FBXO22: variants seen among roughly 807,000 people sequenced by gnomAD.
The protein encoded by FBXO22 is F-box protein 22, also known as F-box only protein 22.
In FBXO22, 13 loss-of-function variants were observed where a neutral mutation model predicts 37.2. The ratio of observed to expected loss-of-function variants is 0.35; its 90% CI spans 0.23 to 0.56. FBXO22 has a LOEUF of 0.56. Among genes scored for constraint, FBXO22 ranks in the 20% least tolerant of loss-of-function variants. The pLI is 0.87. For synonymous variants in FBXO22, 189 were observed against 189.1 expected, an observed-to-expected ratio of 1.00 and a Z score of 0.00; for missense variants, 446 against 509.9, an observed-to-expected ratio of 0.87 and a Z score of 1.21.
At chr15:75,923,791 G>A (rs1900380445) in intron 5 of FBXO22, among the ~76,000 whole-genome samples, 1 of 152,120 alleles carries the variant, frequency 6.6e-6, no homozygotes, top group African/African-American at 2.4e-5. Flanking sequence ...ATATGCAGGA[G>A]ACACAGACTG....
At position 75,935,292 on chromosome 15, in the gene FBXO22, A is replaced by G. The variant is rs2030239025; in HGVS notation, c.*2190A>G. 1 of 152,222 alleles carries G rather than the reference A, an allele frequency of 6.6e-6. No individual in the cohort carries two copies. The highest frequency in any genetic ancestry group is 2.1e-4 in the South Asian group (1 of 4,828). The allele number at this position is 152,222 out of a possible 1,614,324, so 9.4% of individuals were successfully genotyped here. The stretch of plus-strand genomic sequence containing the variant: ...AACTAAATTCCTAGAGATGACAATC[A>G]TTGTAGTCCTCTGTGAAACTGAAAA... On this transcript the variant is annotated 3_prime_UTR_variant, in exon 7 of 7. Transcript: ENST00000308275.
At chr15:75,920,307 T>A (rs1036225096) in intron 5 of FBXO22, among the ~76,000 whole-genome samples, 4 of 152,208 alleles carry the variant, frequency 2.6e-5, no homozygotes, top group African/African-American at 9.6e-5. Flanking sequence ...TCAGACATGT[T>A]GGTTTGAGAA....
chr15:75,930,625 T>C, intron 6 of FBXO22: 1 of 985,532 alleles, frequency 1.0e-6, no homozygotes, highest in Non-Finnish European at 1.2e-6. Context: ...ACTAAGGCTT[T>C]TGCTTTCAAA....
chr15:75,938,724 A>G lies in FBXO22; in HGVS notation c.*5622A>G, dbSNP rs1014875216. ...CACTGAAAGCAGAAACAACAAATCA[A>G]GCCTACATAGTTTTAAAAGATACAT... On this transcript the variant is annotated 3_prime_UTR_variant, in exon 7 of 7. Coordinates refer to ENST00000308275, the MANE Select transcript of FBXO22 (RefSeq NM_147188.3). 1.3e-5 allele frequency: 2 copies of G among 152,216 alleles called. No individual in the cohort carries two copies. Among genetic ancestry groups the G allele is most frequent in the African/African-American group, 4.8e-5 (2 of 41,456 alleles). 9.4% of individuals were successfully genotyped at this position (152,216 alleles called of 1,614,324 possible). A position where few individuals can be genotyped will look rare whatever the true frequency, so the allele number is the denominator to read the frequency against.
At chr15:75,904,187 C>T (rs1899865406) in intron 1 of FBXO22, 84 bp downstream of exon 1, 22 of 1,445,050 alleles carry the variant, frequency 1.5e-5, no homozygotes, top group Non-Finnish European at 2.0e-5. Context: ...GGGGAGAGAC[C>T]CTTGGGACCC....
In FBXO22 at chr15:75,913,209, C is replaced by A. The variant is rs758516099; in HGVS notation, c.286C>A (p.Arg96Ser). 1 of 1,601,166 alleles carries A rather than the reference C, an allele frequency of 6.2e-7. No individual in the cohort carries two copies. The highest frequency in any genetic ancestry group is 2.2e-5 in the East Asian group (1 of 44,700). Residue 96 changes from arginine to serine, a missense_variant, in exon 3 of 7, where the codon CGC becomes AGC. Physicochemically the swap from Arg to Ser is moderately radical, Grantham distance 110. Coordinates refer to ENST00000308275, the MANE Select transcript of FBXO22 (RefSeq NM_147188.3). ...RVVAEELENV[R>S]ILPHTVLYMA... The stretch of plus-strand genomic sequence containing the variant: ...TTTTTTTTTTTCTTTGCAGAATGTT[C>A]GCATCTTACCACATACAGTTCTTTA...
rs2030446962 is a variant in FBXO22 at position 75,937,325 on chromosome 15, C to T, written c.*4223C>T. ...GAGATCGAGACCATCCTGGCTAACA[C>T]AGTGAAACCCCATCTCTACTGAAAG... On this transcript the variant is annotated 3_prime_UTR_variant, in exon 7 of 7. Coordinates refer to ENST00000308275, the MANE Select transcript of FBXO22 (RefSeq NM_147188.3). 2 of 144,816 alleles carry T rather than the reference C, an allele frequency of 1.4e-5. No individual in the cohort carries two copies. The highest frequency in any genetic ancestry group is 5.1e-5 in the African/African-American group (2 of 39,358). 9.0% of individuals were successfully genotyped at this position (144,816 alleles called of 1,614,324 possible).
chr15:75,930,767 C>A (rs1371265644), intron 6 of FBXO22: 4 of 985,282 alleles, frequency 4.1e-6, no homozygotes, highest in African/African-American at 1.7e-5. Flanking sequence ...GAAAATCAGA[C>A]CCTACCCCAC....
intron 5 of FBXO22, among the ~76,000 whole-genome samples, chr15:75,919,423 A>T (rs1027199811): frequency 1.2e-4 from 18 of 152,204 alleles, no homozygotes; most frequent in African/African-American, 4.3e-4. Flanking sequence ...TGATAAATAC[A>T]TACAATTTTA....
chr15:75,939,469 T>C lies in FBXO22; in HGVS notation c.*6367T>C, dbSNP rs945728059. The stretch of plus-strand genomic sequence containing the variant: ...AAGCACTGGACCTGATGGTTTTCAT[T>C]TGTGAATTCTACCAAATAAGAAGAA... On this transcript the variant is annotated 3_prime_UTR_variant, in exon 7 of 7. Transcript: ENST00000308275. The C allele has an allele frequency of 6.6e-6, 1 of 152,188 alleles. No individual in the cohort carries two copies. Among genetic ancestry groups the C allele is most frequent in the Non-Finnish European group, 1.5e-5 (1 of 68,008 alleles). 9.4% of individuals were successfully genotyped at this position (152,188 alleles called of 1,614,324 possible).
At chr15:75,922,209 A>G (rs1900343002) in intron 5 of FBXO22, among the ~76,000 whole-genome samples, 1 of 152,230 alleles carries the variant, frequency 6.6e-6, no homozygotes, top group East Asian at 1.9e-4. Context: ...TGTGCTACAC[A>G]TTAGGCAGTA....
At position 75,933,219 on chromosome 15, in the gene FBXO22, TTTGA is replaced by T. The variant is rs1323357159; in HGVS notation, c.*123_*126del. The T allele has an allele frequency of 7.3e-6, 6 of 818,864 alleles. No individual in the cohort carries two copies. Among genetic ancestry groups the T allele is most frequent in the African/African-American group, 5.2e-5 (3 of 57,814 alleles). 50.7% of individuals were successfully genotyped at this position (818,864 alleles called of 1,614,324 possible). A position where few individuals can be genotyped will look rare whatever the true frequency, so the allele number is the denominator to read the frequency against. On this transcript the variant is annotated 3_prime_UTR_variant, in exon 7 of 7. Transcript: ENST00000308275. Reference sequence around the variant, plus strand: ...ACTTTAGATATATCTTTTTTGTAGCTTTGATTGATGCTCTAAGATCACATGAGGG... The same window carrying T: ...ACTTTAGATATATCTTTTTTGTAGCTTTGATGCTCTAAGATCACATGAGGG...
At position 75,932,804 on chromosome 15, in the gene FBXO22, C is replaced by T. The variant is rs1477622312; in HGVS notation, c.914C>T (p.Ala305Val). ...DVSDEKTAEA[A>V]MQRLKAANIP... is the part of the protein sequence containing the mutation. The stretch of plus-strand genomic sequence containing the variant: ...AGTGATGAGAAGACTGCTGAGGCTG[C>T]GATGCAGCGCCTCAAAGCGGCCAAC... Residue 305 changes from alanine (A) to valine (V), a missense_variant, in exon 7 of 7, where the codon GCG becomes GTG. Physicochemically the swap from Ala to Val is moderately conservative, Grantham distance 64 (BLOSUM62 0). This residue lies in a region of FBXO22 where 315 missense variants were observed against 410.1 expected (regional missense o/e 0.77). Coordinates refer to ENST00000308275, the MANE Select transcript of FBXO22 (RefSeq NM_147188.3). The T allele has an allele frequency of 3.1e-6, 5 of 1,614,242 alleles. No individual in the cohort carries two copies. Among genetic ancestry groups the T allele is most frequent in the South Asian group, 1.1e-5 (1 of 91,086 alleles).
At chr15:75,912,535 A>G (rs1295236034) in intron 2 of FBXO22, among the ~76,000 whole-genome samples, 6 of 152,172 alleles carry the variant, frequency 3.9e-5, no homozygotes, top group Non-Finnish European at 5.9e-5. Flanking sequence ...CATTTCTTCT[A>G]GATTTTCTAG....
chr15:75,923,821 A>G (rs1400568965), intron 5 of FBXO22, among the ~76,000 whole-genome samples: 2 of 152,178 alleles, frequency 1.3e-5, no homozygotes, highest in South Asian at 2.1e-4. Flanking sequence ...TTAAGGAAAG[A>G]GGAGATGGCA....
chr15:75,930,537 C>T (rs974024207), intron 6 of FBXO22: 93 of 986,660 alleles, frequency 9.4e-5, no homozygotes, highest in East Asian at 2.3e-4. Context: ...TCTTGCAAGT[C>T]GTACTGGTTT....
intron 5 of FBXO22, among the ~76,000 whole-genome samples, chr15:75,922,961 A>G (rs1159533808): frequency 6.6e-6 from 1 of 152,176 alleles, no homozygotes; most frequent in Non-Finnish European, 1.5e-5. Context: ...ATTGGGAAAA[A>G]TCAAACCCCA....
rs773118952 is a variant in FBXO22 at position 75,913,244 on chromosome 15, T to C, written c.321T>C (p.Asp107=). 1.2e-6 allele frequency: 2 copies of C among 1,611,340 alleles called. No homozygotes were observed. Among genetic ancestry groups the C allele is most frequent in the East Asian group, 2.2e-5 (1 of 44,848 alleles). Residue 107 remains aspartate, a synonymous_variant, in exon 3 of 7, where the codon GAT becomes GAC. Transcript: ENST00000308275. ...ILPHTVLYMA[D]SETFISLEEC... Reference sequence around the variant, plus strand: ...CACATACAGTTCTTTACATGGCTGATTCAGAAACTTTCATTAGTCTGGAAG... The same window carrying C: ...CACATACAGTTCTTTACATGGCTGACTCAGAAACTTTCATTAGTCTGGAAG...
intron 5 of FBXO22, among the ~76,000 whole-genome samples, chr15:75,917,766 A>G (rs1425563341): frequency 6.6e-6 from 1 of 152,166 alleles, no homozygotes; most frequent in East Asian, 1.9e-4. Context: ...TTTTTATTCT[A>G]GTAACAAGCA....
Sources: allele counts gnomAD v4.1 joint callset (sites outside exome capture counted in the v4.1 genomes callset), GRCh38; gene constraint gnomAD v4.1.1; regional missense constraint gnomAD v4.1.1; transcripts MANE v1.5; gene names NCBI Gene and HGNC (gene_info 2026-07-23, HGNC 2026-07-21).